DLG2: variants seen among roughly 807,000 people sequenced by gnomAD.
DLG2 encodes disks large homolog 2.
Under a neutral mutation model 132.5 loss-of-function variants are expected in DLG2, and 45 were observed. The ratio of observed to expected loss-of-function variants is 0.34; its 90% CI spans 0.27 to 0.44. The LOEUF is 0.44. Ranked by LOEUF, DLG2 falls within the 20% of genes least tolerant of loss-of-function variation. The pLI, the probability that DLG2 is intolerant of heterozygous loss-of-function variation, is 1.00. For synonymous variants in DLG2, 424 were observed against 419.6 expected, an observed-to-expected ratio of 1.01 and a Z score of -0.13; for missense variants, 1,045 against 1,196.9, an observed-to-expected ratio of 0.87 and a Z score of 1.87.
chr11:84,177,632 C>T (rs2096006623), intron 8 of DLG2, among the ~76,000 whole-genome samples: 1 of 152,166 alleles, frequency 6.6e-6, no homozygotes, highest in South Asian at 2.1e-4. Context: ...AAGTACAGTT[C>T]TCAACTGCTC....
At chr11:84,359,179 G>A (rs566872171) in intron 7 of DLG2, among the ~76,000 whole-genome samples, 41 of 151,862 alleles carry the variant, frequency 2.7e-4, no homozygotes, top group Non-Finnish European at 2.1e-4. Flanking sequence ...TTCTTTTTCT[G>A]GAGTATTACA....
intron 17 of DLG2, among the ~76,000 whole-genome samples, chr11:83,811,103 C>T (rs1448595842): frequency 6.7e-6 from 1 of 148,680 alleles, no homozygotes; most frequent in Non-Finnish European, 1.5e-5. Flanking sequence ...AATTTTGACT[C>T]TGTACATCTA....
intron 3 of DLG2, among the ~76,000 whole-genome samples, chr11:85,512,960 A>G (rs1467338867): frequency 1.3e-5 from 2 of 152,082 alleles, no homozygotes; most frequent in Non-Finnish European, 2.9e-5. Flanking sequence ...ATCAACAGTA[A>G]ACTGGACAAA....
chr11:83,664,188 C>T (rs1338027897), intron 18 of DLG2, among the ~76,000 whole-genome samples: 1 of 152,170 alleles, frequency 6.6e-6, no homozygotes, highest in Non-Finnish European at 1.5e-5. Flanking sequence ...AGTCTGTTGA[C>T]ACATAGGCTG....
At chr11:84,605,490 C>G (rs2099583868) in intron 6 of DLG2, among the ~76,000 whole-genome samples, 1 of 151,030 alleles carries the variant, frequency 6.6e-6, no homozygotes, top group Non-Finnish European at 1.5e-5. Context: ...GTGAAAATGC[C>G]ACATTACTTT....
chr11:85,258,631 G>C (rs2076785239), intron 4 of DLG2, among the ~76,000 whole-genome samples: 1 of 152,096 alleles, frequency 6.6e-6, no homozygotes, highest in Non-Finnish European at 1.5e-5. Flanking sequence ...TTCTAAAAAA[G>C]GTTCTCTAAG....
intron 15 of DLG2, among the ~76,000 whole-genome samples, chr11:83,913,248 G>C (rs2076367807): frequency 6.6e-6 from 1 of 152,038 alleles, no homozygotes; most frequent in Non-Finnish European, 1.5e-5. Context: ...GTCTCTTCAG[G>C]AAAGAGCTAA....
chr11:83,563,569 A>G (rs533437012), intron 19 of DLG2, among the ~76,000 whole-genome samples: 87 of 152,202 alleles, frequency 5.7e-4, no homozygotes, highest in Non-Finnish European at 1.0e-3. Flanking sequence ...GAAGAGTACA[A>G]TCGTGTTAAA....
In DLG2 at chr11:84,783,766, C is replaced by T. The variant is rs981669481; in HGVS notation, c.358-249035G>A. Among the ~76,000 whole-genome samples the T allele has an allele frequency of 4.6e-5, 7 of 152,030 alleles. No homozygotes were observed. In the East Asian group the frequency reaches 5.8e-4, roughly 13 times the overall value. ...AGTCAGAATTAAAGGTTTTTGATTCCTGTTTCAGAGTTTTTCCTCCATACA... is the reference window on the plus strand; with the variant it reads ...AGTCAGAATTAAAGGTTTTTGATTCTTGTTTCAGAGTTTTTCCTCCATACA... On this transcript the variant is annotated intron_variant, in intron 6 of 27. Transcript: ENST00000376104.
At position 84,759,448 on chromosome 11, in the gene DLG2, T is replaced by G. The variant is rs79969260; in HGVS notation, c.358-224717A>C. ...CTAGTGATGATAAATACTATTATAATTATCATAATAATATCATAGCATCAT... is the reference window on the plus strand; with the variant it reads ...CTAGTGATGATAAATACTATTATAAGTATCATAATAATATCATAGCATCAT... On this transcript the variant is annotated intron_variant, in intron 6 of 27. Transcript: ENST00000376104. Among the ~76,000 whole-genome samples the G allele has an allele frequency of 2.5e-3, 379 of 152,318 alleles. 2 individuals carry two copies. The highest frequency in any genetic ancestry group is 8.8e-3 in the African/African-American group (364 of 41,570).
intron 10 of DLG2, among the ~76,000 whole-genome samples, chr11:84,097,813 T>C (rs897711581): frequency 6.6e-6 from 1 of 152,136 alleles, no homozygotes; most frequent in African/African-American, 2.4e-5. Flanking sequence ...TTAGGGCATG[T>C]TATTCTTCCT....
intron 8 of DLG2, among the ~76,000 whole-genome samples, chr11:84,205,244 C>CA (rs2154303150): frequency 6.6e-6 from 1 of 152,128 alleles, no homozygotes; most frequent in East Asian, 1.9e-4. Context: ...ATAGAAGGAG[C>CA]AAAAACTTAC....
At chr11:84,836,173 T>A (rs1448501538) in intron 6 of DLG2, among the ~76,000 whole-genome samples, 1 of 151,790 alleles carries the variant, frequency 6.6e-6, no homozygotes, top group South Asian at 2.1e-4. Flanking sequence ...TGGTAATTAA[T>A]TGTACAATAG....
chr11:84,889,447 G>A (rs982686982), intron 6 of DLG2, among the ~76,000 whole-genome samples: 5 of 152,024 alleles, frequency 3.3e-5, no homozygotes, highest in Admixed American at 6.6e-5. Context: ...AAGCTTTAGC[G>A]GTGGTATTTG....
intron 6 of DLG2, among the ~76,000 whole-genome samples, chr11:85,028,118 A>T (rs372844599): frequency 6.6e-6 from 1 of 152,136 alleles, no homozygotes; most frequent in African/African-American, 2.4e-5. Flanking sequence ...CCAGCTGTCA[A>T]TGAAGAGGGA....
chr11:84,897,824 C>T (rs2090399292), intron 6 of DLG2, among the ~76,000 whole-genome samples: 2 of 151,780 alleles, frequency 1.3e-5, no homozygotes, highest in South Asian at 4.1e-4. Flanking sequence ...GGTAATTTAA[C>T]ACTTACTGGA....
intron 6 of DLG2, among the ~76,000 whole-genome samples, chr11:85,103,025 T>C (rs985898989): frequency 9.2e-5 from 14 of 151,866 alleles, no homozygotes; most frequent in African/African-American, 2.7e-4. Flanking sequence ...TACAATAGCA[T>C]TGAAAAGAAT....
At chr11:85,151,880 T>C (rs1450474986) in intron 5 of DLG2, among the ~76,000 whole-genome samples, 1 of 152,214 alleles carries the variant, frequency 6.6e-6, no homozygotes, top group Non-Finnish European at 1.5e-5. Flanking sequence ...GTCTCGGAAC[T>C]AACGCTTTTA....
chr11:84,862,825 G>GC (rs918891676), intron 6 of DLG2, among the ~76,000 whole-genome samples: 4 of 129,954 alleles, frequency 3.1e-5, no homozygotes, highest in Non-Finnish European at 5.0e-5. Flanking sequence ...GTCGGGGGGG[G>GC]GGGGTGGGGG....
Sources: gnomAD v4.1 joint callset for allele counts (sites outside exome capture counted in the v4.1 genomes callset) on GRCh38, gnomAD v4.1.1 for gene constraint, MANE v1.5 for transcripts, NCBI Gene and HGNC (gene_info 2026-07-23, HGNC 2026-07-21) for gene names.